The following EGFLAM variants were observed in gnomAD, a reference collection of about 807,000 sequenced individuals.
The protein encoded by EGFLAM is pikachurin.
In EGFLAM, 79 loss-of-function variants were observed where a neutral mutation model predicts 113.1. The ratio of observed to expected loss-of-function variants is 0.70; its 90% confidence interval spans 0.58 to 0.84. The LOEUF is 0.84. Among genes scored for constraint, EGFLAM ranks in the 40% least tolerant of loss-of-function variants. The pLI is 0.00. For synonymous variants in EGFLAM, 504 were observed against 487.6 expected (o/e 1.03, Z -0.44); for missense variants, 1,265 against 1,291.6 (o/e 0.98, Z 0.32).
At chr5:38,261,897 C>T (rs1230653034) in intron 1 of EGFLAM, among the ~76,000 whole-genome samples, 1 of 152,094 alleles carries the variant, frequency 6.6e-6, no homozygotes, top group Non-Finnish European at 1.5e-5. Context: ...GGTCAGAGGG[C>T]CCACTACAGT....
At chr5:38,377,772 C>A (rs113241858) in intron 6 of EGFLAM, among the ~76,000 whole-genome samples, 2 of 152,098 alleles carry the variant, frequency 1.3e-5, no homozygotes, top group African/African-American at 2.4e-5. Context: ...AGGAAGAGAG[C>A]AAACCCAGTG....
chr5:38,438,397 G>C lies in EGFLAM; in HGVS notation c.2406G>C (p.Arg802Ser). 6.2e-7 allele frequency: 1 copy of C among 1,614,008 alleles called. No individual in the cohort carries two copies. The highest frequency in any genetic ancestry group is 2.2e-5 in the East Asian group (1 of 44,864). Residue 802 changes from arginine to serine, a missense_variant, in exon 17 of 22, where the codon AGG (arginine) becomes AGC (serine). Arg to Ser is a moderately radical substitution (Grantham distance 110). Transcript: ENST00000322350. ...PCAHGGSCRP[R>S]KEGYDCDCPL... ...CCCATGGGGGCAGCTGCCGGCCCAGGAAGGAGGGCTATGACTGTGACTGCC... is the reference window on the plus strand; with the variant it reads ...CCCATGGGGGCAGCTGCCGGCCCAGCAAGGAGGGCTATGACTGTGACTGCC...
chr5:38,446,123 A>G (rs1354760512), intron 17 of EGFLAM, among the ~76,000 whole-genome samples: 2 of 152,054 alleles, frequency 1.3e-5, no homozygotes, highest in Non-Finnish European at 2.9e-5. Context: ...CCCACCGCTC[A>G]GCTTGGATCT....
chr5:38,382,112 G>GA (rs973611328), intron 6 of EGFLAM, among the ~76,000 whole-genome samples: 1 of 151,956 alleles, frequency 6.6e-6, no homozygotes, highest in Non-Finnish European at 1.5e-5. Flanking sequence ...TATTGTTAGT[G>GA]AAAAAAATTC....
In EGFLAM at chr5:38,427,017, T is replaced by C; in HGVS notation, c.1819T>C (p.Leu607=). The C allele has an allele frequency of 3.1e-6, 5 of 1,613,966 alleles. No homozygotes were observed. The highest frequency in any genetic ancestry group is 3.4e-6 in the Non-Finnish European group (4 of 1,179,982). ...KGRHCEDAFT[L]TIPQFRESLR... ...CATGCTTGTTTTTTCAGCTTTCACCTTGACCATTCCTCAGTTCAGAGAGTC... is the reference window on the plus strand; with the variant it reads ...CATGCTTGTTTTTTCAGCTTTCACCCTGACCATTCCTCAGTTCAGAGAGTC... Residue 607 remains leucine (L), a synonymous_variant, in exon 14 of 22, where the codon TTG becomes CTG. Transcript: ENST00000322350.
intron 1 of EGFLAM, among the ~76,000 whole-genome samples, chr5:38,309,821 C>T (rs987452): frequency 0.21 from 32,360 of 152,176 alleles, 4,619 homozygotes; most frequent in African/African-American, 0.4. Flanking sequence ...CAGTCCACTT[C>T]AGGACAGTAA....
intron 1 of EGFLAM, among the ~76,000 whole-genome samples, chr5:38,334,931 G>A (rs180921592): frequency 7.9e-4 from 120 of 152,290 alleles, no homozygotes; most frequent in African/African-American, 2.7e-3. Flanking sequence ...TTGGTAATGT[G>A]TGGACATGTT....
At chr5:38,392,193 G>A (rs1740831107) in intron 6 of EGFLAM, among the ~76,000 whole-genome samples, 1 of 152,114 alleles carries the variant, frequency 6.6e-6, no homozygotes, top group South Asian at 2.1e-4. Context: ...CCACTTATAA[G>A]TGAGAACATG....
intron 1 of EGFLAM, 59 bp downstream of exon 1, chr5:38,258,910 G>T: frequency 6.5e-7 from 1 of 1,542,094 alleles, no homozygotes; most frequent in South Asian, 1.2e-5. Context: ...GGGCTCCGGG[G>T]CGAGGACACA....
chr5:38,337,698 C>A, intron 2 of EGFLAM, 69 bp downstream of exon 2: 1 of 1,312,360 alleles, frequency 7.6e-7, no homozygotes, highest in South Asian at 1.3e-5. Flanking sequence ...CTCATCCTTG[C>A]TTTTTCTAGA....
At chr5:38,324,741 G>C (rs1738833621) in intron 1 of EGFLAM, among the ~76,000 whole-genome samples, 1 of 152,144 alleles carries the variant, frequency 6.6e-6, no homozygotes, top group Non-Finnish European at 1.5e-5. Context: ...GTATCTCTTA[G>C]GCTCGGGGGA....
At chr5:38,449,518 G>A (rs903088667) in intron 18 of EGFLAM, among the ~76,000 whole-genome samples, 5 of 152,140 alleles carry the variant, frequency 3.3e-5, no homozygotes, top group Admixed American at 2.0e-4. Context: ...CAGTGACAGC[G>A]TGAAAGGGGC....
intron 12 of EGFLAM, among the ~76,000 whole-genome samples, chr5:38,422,195 G>T (rs147698048): frequency 2.6e-4 from 40 of 152,154 alleles, no homozygotes; most frequent in African/African-American, 8.7e-4. Flanking sequence ...TCTACCTCTC[G>T]CTTTCTTATC....
chr5:38,337,492 T>C, intron 1 of EGFLAM, 28 bp from the exon 2 acceptor site: 1 of 1,566,482 alleles, frequency 6.4e-7, no homozygotes, highest in Non-Finnish European at 8.7e-7. Flanking sequence ...GTGGAGCCTC[T>C]AACACAATCT....
rs1417872664 is a variant in EGFLAM, at chr5:38,462,780, C to G, written c.2772-128C>G. 5.8e-6 allele frequency: 6 copies of G among 1,037,682 alleles called. No individual in the cohort carries two copies. The Admixed American group carries it at 1.1e-4, about 19-fold the overall frequency. The allele number at this position is 1,037,682 out of a possible 1,614,324, so 64.3% of individuals were successfully genotyped here. A position where few individuals can be genotyped will look rare whatever the true frequency, so the allele number is the denominator to read the frequency against. On this transcript the variant is annotated intron_variant, in intron 20 of 21. Transcript: ENST00000322350. ...TGCTTTTTGCTTTGATTTCTGCAGC[C>G]CCATCATTTAGCACAGTACCTGGCA...
intron 1 of EGFLAM, among the ~76,000 whole-genome samples, chr5:38,336,970 T>C (rs1194500048): frequency 6.6e-6 from 1 of 152,238 alleles, no homozygotes; most frequent in Non-Finnish European, 1.5e-5. Context: ...TATATATTAT[T>C]TGATGATTAT....
intron 1 of EGFLAM, among the ~76,000 whole-genome samples, chr5:38,265,679 C>T (rs1757615696): frequency 6.6e-6 from 1 of 152,206 alleles, no homozygotes; most frequent in Non-Finnish European, 1.5e-5. Context: ...TGCTTCCTTG[C>T]AGAACCCCTC....
intron 6 of EGFLAM, among the ~76,000 whole-genome samples, chr5:38,392,255 A>G (rs544364443): frequency 6.6e-6 from 1 of 152,336 alleles, no homozygotes; most frequent in African/African-American, 2.4e-5. Flanking sequence ...AATGGCCTCC[A>G]GCTCCATCCA....
chr5:38,270,802 A>G (rs1218236294), intron 1 of EGFLAM, among the ~76,000 whole-genome samples: 1 of 152,212 alleles, frequency 6.6e-6, no homozygotes, highest in Admixed American at 6.5e-5. Context: ...AAGTACCTAA[A>G]CATTTGGTAC....
Sources: gnomAD v4.1 joint callset for allele counts (sites outside exome capture counted in the v4.1 genomes callset) on GRCh38, gnomAD v4.1.1 for gene constraint, MANE v1.5 for transcripts, NCBI Gene and HGNC (gene_info 2026-07-23, HGNC 2026-07-21) for gene names.